The following NPAS3 variants were observed in gnomAD, a reference collection of about 807,000 sequenced individuals.
NPAS3 encodes the protein neuronal PAS domain-containing protein 3.
Under a neutral mutation model 73.1 loss-of-function variants are expected in NPAS3, and 14 were observed. That is an observed-to-expected ratio of 0.19 (90% CI 0.13 to 0.30). NPAS3 has a LOEUF of 0.30. Among genes scored for constraint, NPAS3 ranks in the 10% least tolerant of loss-of-function variants. The pLI is 1.00. For missense variants in NPAS3, 1,096 were observed against 1,250.0 expected (o/e 0.88, Z 1.86); for synonymous variants, 620 against 541.5 (o/e 1.14, Z -2.01).
At chr14:32,956,540 GA>G (rs1337204179) in intron 1 of NPAS3, among the ~76,000 whole-genome samples, 2 of 152,164 alleles carry the variant, frequency 1.3e-5, no homozygotes, top group Admixed American at 6.5e-5. Flanking sequence ...TAAAAGAAAT[GA>G]AATCATTAAC....
intron 1 of NPAS3, among the ~76,000 whole-genome samples, chr14:33,046,833 A>G (rs1236361249): frequency 6.6e-6 from 1 of 152,080 alleles, no homozygotes; most frequent in Non-Finnish European, 1.5e-5. Flanking sequence ...AAAATTAGCC[A>G]GGCATGGTGG....
intron 3 of NPAS3, among the ~76,000 whole-genome samples, chr14:33,219,877 A>C (rs1392125161): frequency 6.6e-6 from 1 of 152,124 alleles, no homozygotes; most frequent in Non-Finnish European, 1.5e-5. Context: ...TCCAAGACTG[A>C]GTGATAGGTC....
chr14:33,523,451 C>CAAA (rs755370427), intron 4 of NPAS3, among the ~76,000 whole-genome samples: 39 of 46,638 alleles, frequency 8.4e-4, no homozygotes, highest in Non-Finnish European at 1.1e-3. Context: ...GACTCTGTCT[C>CAAA]AAAAAAAAAA....
At chr14:33,549,517 G>A (rs1175582732) in intron 4 of NPAS3, among the ~76,000 whole-genome samples, 2 of 152,086 alleles carry the variant, frequency 1.3e-5, no homozygotes, top group Non-Finnish European at 2.9e-5. Context: ...TACAGGCTGA[G>A]TGCCTATTTT....
At chr14:33,269,291 G>C (rs181219267) in intron 3 of NPAS3, among the ~76,000 whole-genome samples, 1 of 152,210 alleles carries the variant, frequency 6.6e-6, no homozygotes, top group East Asian at 1.9e-4. Flanking sequence ...CTCCTAAGTT[G>C]GTACCTTGTT....
intron 4 of NPAS3, among the ~76,000 whole-genome samples, chr14:33,503,467 G>A (rs1222026476): frequency 6.6e-6 from 1 of 151,878 alleles, no homozygotes; most frequent in Non-Finnish European, 1.5e-5. Flanking sequence ...TAGCAAGACC[G>A]TAATTGGTGA....
intron 4 of NPAS3, among the ~76,000 whole-genome samples, chr14:33,556,822 A>G (rs1036546331): frequency 1.3e-5 from 2 of 152,190 alleles, no homozygotes; most frequent in Non-Finnish European, 2.9e-5. Flanking sequence ...TCATCAGTCC[A>G]TCCTTCTGCA....
intron 2 of NPAS3, among the ~76,000 whole-genome samples, chr14:33,205,082 A>G (rs2046773289): frequency 6.6e-6 from 1 of 152,198 alleles, no homozygotes; most frequent in Non-Finnish European, 1.5e-5. Flanking sequence ...CCCTATATGC[A>G]AAAGAAATGG....
chr14:33,718,122 C>T (rs1347766280), intron 6 of NPAS3, among the ~76,000 whole-genome samples: 3 of 152,122 alleles, frequency 2.0e-5, no homozygotes, highest in Non-Finnish European at 4.4e-5. Flanking sequence ...GACTTGCAAA[C>T]TCAAGCTACG....
chr14:33,135,673 G>C (rs1207622881), intron 2 of NPAS3, among the ~76,000 whole-genome samples: 1 of 151,748 alleles, frequency 6.6e-6, no homozygotes, highest in Non-Finnish European at 1.5e-5. Context: ...TTTCAGTGGG[G>C]GTTAAAAAAA....
At chr14:33,525,333 C>A (rs963262757) in intron 4 of NPAS3, among the ~76,000 whole-genome samples, 3 of 152,132 alleles carry the variant, frequency 2.0e-5, no homozygotes, top group Admixed American at 6.5e-5. Context: ...TATTTGAAAT[C>A]ACTTTGCCAT....
chr14:33,480,091 T>A (rs551464354), intron 4 of NPAS3, among the ~76,000 whole-genome samples: 26 of 152,308 alleles, frequency 1.7e-4, no homozygotes, highest in African/African-American at 6.3e-4. Flanking sequence ...TTTGATGTTA[T>A]AAGTAGTATA....
chr14:33,769,252 CT>C (rs1248836522), intron 7 of NPAS3, among the ~76,000 whole-genome samples: 2 of 152,240 alleles, frequency 1.3e-5, no homozygotes, highest in East Asian at 3.9e-4. Flanking sequence ...AGAACTATAC[CT>C]TCAACTATCA....
At chr14:33,671,913 G>A (rs1429547853) in intron 5 of NPAS3, among the ~76,000 whole-genome samples, 1 of 151,840 alleles carries the variant, frequency 6.6e-6, no homozygotes, top group Non-Finnish European at 1.5e-5. Context: ...ACACATTATT[G>A]GAGGGGGGAA....
chr14:33,483,201 T>G (rs1351467227), intron 4 of NPAS3, among the ~76,000 whole-genome samples: 1 of 152,114 alleles, frequency 6.6e-6, no homozygotes, highest in East Asian at 1.9e-4. Context: ...CAGCGTAACT[T>G]AGAAACAAGT....
intron 3 of NPAS3, among the ~76,000 whole-genome samples, chr14:33,348,867 G>A (rs953708941): frequency 1.3e-5 from 2 of 152,166 alleles, no homozygotes; most frequent in African/African-American, 2.4e-5. Context: ...GAATTTTATT[G>A]AGGGAGAGGG....
chr14:33,347,699 G>T (rs1000015296), intron 3 of NPAS3, among the ~76,000 whole-genome samples: 1 of 152,106 alleles, frequency 6.6e-6, no homozygotes, highest in Non-Finnish European at 1.5e-5. Context: ...ATATAAAATG[G>T]TATAGTATTT....
rs1316037812 is a variant in NPAS3 at position 32,991,822 on chromosome 14, G to A, written c.50+52456G>A. ...CCTTGGTAATTTGACTGTGTCTGGT[G>A]TAGGGTCTGTCACTCAGCTTTGCCA... On this transcript the variant is annotated intron_variant, in intron 1 of 11. Coordinates refer to ENST00000356141, the Ensembl canonical transcript of NPAS3. Among the ~76,000 whole-genome samples the A allele has an allele frequency of 2.6e-5, 4 of 152,326 alleles. No individual in the cohort carries two copies. In the East Asian group the frequency reaches 5.8e-4, roughly 22 times the overall value.
intron 3 of NPAS3, among the ~76,000 whole-genome samples, chr14:33,264,162 G>A (rs1044908497): frequency 6.6e-6 from 1 of 151,838 alleles, no homozygotes; most frequent in Admixed American, 6.6e-5. Flanking sequence ...CTCAGCAAAC[G>A]ATTGCAAGGA....
Sources: gnomAD v4.1 joint callset for allele counts (sites outside exome capture counted in the v4.1 genomes callset) on GRCh38, gnomAD v4.1.1 for gene constraint, MANE v1.5 for transcripts, NCBI Gene and HGNC (gene_info 2026-07-23, HGNC 2026-07-21) for gene names.